Variants in STPG2 observed in about 807,000 individuals in gnomAD.
STPG2 encodes sperm tail PG-rich repeat containing 2.
STPG2 carries 56 observed loss-of-function variants against 54.2 expected under a neutral mutation model. That is an observed-to-expected ratio of 1.03 (90% CI 0.83 to 1.29). The LOEUF (loss-of-function observed/expected upper bound fraction) is 1.29. Among genes scored for constraint, STPG2 ranks in the 50% most tolerant of loss-of-function variants. The pLI, the probability that STPG2 is intolerant of heterozygous loss-of-function variation, is 0.00. For synonymous variants in STPG2, 200 were observed against 181.8 expected (o/e 1.10, Z -0.81); for missense variants, 596 against 544.9 (o/e 1.09, Z -0.93).
chr4:97,828,869 C>T (rs1728347907), intron 9 of STPG2, among the ~76,000 whole-genome samples: 1 of 152,108 alleles, frequency 6.6e-6, no homozygotes, highest in South Asian at 2.1e-4. Context: ...GGCAGCTGCC[C>T]TGGTTAGGGG....
chr4:98,092,613 T>C (rs1395388755), intron 5 of STPG2, among the ~76,000 whole-genome samples: 1 of 152,110 alleles, frequency 6.6e-6, no homozygotes. Flanking sequence ...TTTCATGTCC[T>C]TATTATTAAC....
intron 9 of STPG2, among the ~76,000 whole-genome samples, chr4:97,749,663 T>C (rs905525816): frequency 6.6e-6 from 1 of 151,808 alleles, no homozygotes; most frequent in Non-Finnish European, 1.5e-5. Flanking sequence ...TGTACAGTTA[T>C]TAATAAGTGC....
intron 8 of STPG2, among the ~76,000 whole-genome samples, chr4:97,867,905 G>C (rs1560563172): frequency 1.3e-5 from 2 of 152,132 alleles, no homozygotes; most frequent in South Asian, 2.1e-4. Flanking sequence ...TGGATACACT[G>C]CTGGAAGGAT....
At chr4:97,506,836 T>A (rs947922469) in intron 4 of STPG2, among the ~76,000 whole-genome samples, 10 of 151,748 alleles carry the variant, frequency 6.6e-5, no homozygotes, top group Admixed American at 2.0e-4. Context: ...CCATTTCAAA[T>A]GCAGCAAGAA....
intron 10 of STPG2, among the ~76,000 whole-genome samples, chr4:97,645,210 T>C (rs1721878276): frequency 6.6e-6 from 1 of 150,452 alleles, no homozygotes; most frequent in Admixed American, 6.7e-5. Context: ...TTGTTTTTTA[T>C]AGCTACAGTT....
At chr4:97,888,595 C>A (rs747344418) in intron 8 of STPG2, among the ~76,000 whole-genome samples, 1 of 152,176 alleles carries the variant, frequency 6.6e-6, no homozygotes, top group East Asian at 1.9e-4. Context: ...TTTGATTTTA[C>A]AGGCTCACAG....
At chr4:97,950,688 A>T (rs564637170) in intron 7 of STPG2, among the ~76,000 whole-genome samples, 4 of 152,344 alleles carry the variant, frequency 2.6e-5, no homozygotes, top group African/African-American at 9.6e-5. Context: ...GACCAACTTC[A>T]TCTTTCTTCT....
At chr4:98,012,020 T>C (rs13115356) in intron 5 of STPG2, among the ~76,000 whole-genome samples, 59,949 of 152,016 alleles carry the variant, frequency 0.39, 12,052 homozygotes, top group Middle Eastern at 0.46. Context: ...CGTCATGAAA[T>C]CTTTGTCCAT....
At chr4:98,080,011 GT>G (rs1421996692) in intron 5 of STPG2, among the ~76,000 whole-genome samples, 1 of 152,008 alleles carries the variant, frequency 6.6e-6, no homozygotes, top group Non-Finnish European at 1.5e-5. Context: ...TTATGCAGTT[GT>G]TTTTCAGAAT....
At chr4:97,495,513 A>G (rs1488402304) in intron 4 of STPG2, among the ~76,000 whole-genome samples, 1 of 151,430 alleles carries the variant, frequency 6.6e-6, no homozygotes, top group East Asian at 1.9e-4. Context: ...CAGATTCTAT[A>G]AGGCAATATA....
intron 5 of STPG2, among the ~76,000 whole-genome samples, chr4:97,992,758 C>A (rs1735061184): frequency 1.3e-5 from 2 of 152,078 alleles, no homozygotes; most frequent in Admixed American, 1.3e-4. Context: ...TTATTTGTGC[C>A]ATCTATGATT....
chr4:97,891,118 T>C (rs549901447), intron 8 of STPG2, among the ~76,000 whole-genome samples: 3 of 152,078 alleles, frequency 2.0e-5, no homozygotes, highest in Non-Finnish European at 4.4e-5. Flanking sequence ...ATAAAAAGCA[T>C]TGTACAACTA....
chr4:98,061,279 T>C (rs1219651636), intron 5 of STPG2, among the ~76,000 whole-genome samples: 3 of 152,158 alleles, frequency 2.0e-5, no homozygotes, highest in Non-Finnish European at 2.9e-5. Context: ...AGAGGTTTAA[T>C]TGACTCACAG....
intron 8 of STPG2, among the ~76,000 whole-genome samples, chr4:97,922,729 G>A (rs1376422440): frequency 1.3e-5 from 2 of 152,174 alleles, no homozygotes; most frequent in Non-Finnish European, 2.9e-5. Flanking sequence ...CATATGCAAG[G>A]TTAGGGGAAG....
chr4:97,959,007 A>C (rs1733789229), intron 7 of STPG2, among the ~76,000 whole-genome samples: 1 of 152,188 alleles, frequency 6.6e-6, no homozygotes. Context: ...AAGAAAACTG[A>C]AATTATTACA....
At chr4:97,534,465 G>C (rs999115635) in intron 4 of STPG2, among the ~76,000 whole-genome samples, 1 of 152,016 alleles carries the variant, frequency 6.6e-6, no homozygotes, top group African/African-American at 2.4e-5. Flanking sequence ...TGTGAATCAA[G>C]GATCTGGGTT....
intron 3 of STPG2, among the ~76,000 whole-genome samples, chr4:98,118,392 C>A (rs981993848): frequency 6.6e-6 from 1 of 152,020 alleles, no homozygotes; most frequent in African/African-American, 2.4e-5. Context: ...AAACTACTTT[C>A]AATGTACTAT....
At chr4:97,829,281 T>C (rs1728364622) in intron 9 of STPG2, among the ~76,000 whole-genome samples, 1 of 151,588 alleles carries the variant, frequency 6.6e-6, no homozygotes, top group African/African-American at 2.4e-5. Context: ...TGCAGCAGAG[T>C]GGCCTGTTAC....
intron 9 of STPG2, among the ~76,000 whole-genome samples, chr4:97,731,901 C>T (rs912899672): frequency 1.3e-5 from 2 of 152,120 alleles, no homozygotes; most frequent in African/African-American, 4.8e-5. Context: ...TCCTCTGGTC[C>T]CTTTGTCCTT....
Sources: gnomAD v4.1 joint callset for allele counts (sites outside exome capture counted in the v4.1 genomes callset) on GRCh38, gnomAD v4.1.1 for gene constraint, MANE v1.5 for transcripts, NCBI Gene and HGNC (gene_info 2026-07-23, HGNC 2026-07-21) for gene names.